ACSS2: variants seen among roughly 807,000 people sequenced by gnomAD.
ACSS2 encodes the protein acyl-CoA synthetase short chain family member 2, also known as acetyl-coenzyme A synthetase, cytoplasmic.
Under a neutral mutation model 90.6 loss-of-function variants are expected in ACSS2, and 58 were observed. The observed-to-expected ratio is 0.64, with a 90% CI of 0.52 to 0.80. ACSS2 has a LOEUF of 0.80. Ranked by LOEUF, ACSS2 falls within the 30% of genes least tolerant of loss-of-function variation. ACSS2 has a pLI of 0.00. For synonymous variants in ACSS2, 300 were observed against 330.9 expected (o/e 0.91, Z 1.01); for missense variants, 759 against 912.0 (o/e 0.83, Z 2.16).
At chr20:34,896,681 C>T (rs950704008) in intron 2 of ACSS2, among the ~76,000 whole-genome samples, 1 of 152,106 alleles carries the variant, frequency 6.6e-6, no homozygotes, top group African/African-American at 2.4e-5. Flanking sequence ...ACTCATAATC[C>T]AGTGAGGGAA....
At chr20:34,878,397 C>A (rs1219143725) in intron 1 of ACSS2, among the ~76,000 whole-genome samples, 1 of 152,160 alleles carries the variant, frequency 6.6e-6, no homozygotes, top group African/African-American at 2.4e-5. Flanking sequence ...GTCTGAGATT[C>A]CTTTTCTTCC....
At chr20:34,884,295 A>T (rs982324998) in intron 2 of ACSS2, among the ~76,000 whole-genome samples, 19 of 152,176 alleles carry the variant, frequency 1.2e-4, no homozygotes, top group Non-Finnish European at 2.9e-5. Context: ...AGCAGCTTGG[A>T]TGCTTCATGG....
At chr20:34,915,034 T>C (rs1173461077) in intron 7 of ACSS2, among the ~76,000 whole-genome samples, 1 of 152,026 alleles carries the variant, frequency 6.6e-6, no homozygotes, top group Non-Finnish European at 1.5e-5. Flanking sequence ...TTTAGGGAAG[T>C]TGGAAAGCCC....
chr20:34,889,357 C>T (rs183563327), intron 2 of ACSS2, among the ~76,000 whole-genome samples: 29 of 151,930 alleles, frequency 1.9e-4, no homozygotes, highest in Admixed American at 7.2e-4. Flanking sequence ...CTCTTGACCT[C>T]GTGATCCACT....
At chr20:34,876,526 C>T (rs1333691281), upstream of ACSS2, 1 of 1,196,390 alleles carries the variant, frequency 8.4e-7, no homozygotes, top group Non-Finnish European at 1.1e-6. Flanking sequence ...GACTAAGCCA[C>T]TCCCCCACTC....
chr20:34,899,430 CCT>C (rs1491090655), intron 2 of ACSS2, among the ~76,000 whole-genome samples: 3 of 88,770 alleles, frequency 3.4e-5, no homozygotes, highest in African/African-American at 9.8e-5. Flanking sequence ...TTCTTTCCTT[CCT>C]TCCTTCCTTC....
At chr20:34,905,845 G>T (rs1037751102) in intron 2 of ACSS2, among the ~76,000 whole-genome samples, 1 of 152,170 alleles carries the variant, frequency 6.6e-6, no homozygotes, top group African/African-American at 2.4e-5. Flanking sequence ...TTTCTTTCAT[G>T]TGGTCCACTT....
At chr20:34,888,195 A>G (rs561027963) in intron 2 of ACSS2, among the ~76,000 whole-genome samples, 4 of 152,210 alleles carry the variant, frequency 2.6e-5, no homozygotes, top group South Asian at 4.1e-4. Flanking sequence ...GATTAGGAGA[A>G]TGGGTGTTTT....
chr20:34,885,628 A>C (rs1323718786), intron 2 of ACSS2, among the ~76,000 whole-genome samples: 1 of 152,216 alleles, frequency 6.6e-6, no homozygotes, highest in African/African-American at 2.4e-5. Context: ...AGCATAGTAA[A>C]ATCTCCAAGA....
At chr20:34,896,859 C>A (rs1273714446) in intron 2 of ACSS2, among the ~76,000 whole-genome samples, 4 of 152,106 alleles carry the variant, frequency 2.6e-5, no homozygotes, top group African/African-American at 7.3e-5. Context: ...ATGGTGAAAC[C>A]CTGTCTCTAC....
At chr20:34,896,043 T>C (rs2080451826) in intron 2 of ACSS2, among the ~76,000 whole-genome samples, 1 of 152,238 alleles carries the variant, frequency 6.6e-6, no homozygotes, top group South Asian at 2.1e-4. Flanking sequence ...TTCCAAATGC[T>C]CTGCCCTCAT....
chr20:34,899,418 CTTT>C (rs1568977122), intron 2 of ACSS2, among the ~76,000 whole-genome samples: 40 of 95,574 alleles, frequency 4.2e-4, no homozygotes, highest in Non-Finnish European at 6.8e-4. Context: ...TTCTTTCTTT[CTTT>C]CTTTCCTTCC....
chr20:34,896,028 C>T (rs186733623), intron 2 of ACSS2, among the ~76,000 whole-genome samples: 26 of 152,294 alleles, frequency 1.7e-4, no homozygotes, highest in Admixed American at 2.6e-4. Context: ...CTCTTTTGGG[C>T]TGCATTCCAA....
At chr20:34,915,249 A>T (rs1215482632) in intron 7 of ACSS2, 1 of 1,613,934 alleles carries the variant, frequency 6.2e-7, no homozygotes, top group Admixed American at 1.7e-5. Context: ...AAGCGTGTTC[A>T]GCCCCAGGTA....
chr20:34,890,337 G>A (rs2080304223), intron 2 of ACSS2, among the ~76,000 whole-genome samples: 1 of 152,142 alleles, frequency 6.6e-6, no homozygotes, highest in Admixed American at 6.6e-5. Context: ...TCTTCCCCCT[G>A]GTGTGGCAGA....
At chr20:34,909,791 G>A (rs577947924) in intron 2 of ACSS2, among the ~76,000 whole-genome samples, 95 of 150,368 alleles carry the variant, frequency 6.3e-4, no homozygotes, top group African/African-American at 2.1e-3. Flanking sequence ...ATCGCCGCTC[G>A]CTGTAGCCTT....
At chr20:34,914,569 C>T in intron 7 of ACSS2, 132 bp downstream of exon 7, 2 of 779,170 alleles carry the variant, frequency 2.6e-6, no homozygotes, top group Non-Finnish European at 2.0e-6. Flanking sequence ...AGGAATGCCT[C>T]CTCTAGCAGG....
chr20:34,883,616 G>A (rs1446712763), intron 2 of ACSS2, among the ~76,000 whole-genome samples: 2 of 152,156 alleles, frequency 1.3e-5, no homozygotes, highest in African/African-American at 4.8e-5. Context: ...CTCTCAACAG[G>A]TTTGTAAAAT....
chr20:34,920,975 A>T (rs765000785), intron 9 of ACSS2, 31 bp from the exon 10 acceptor site: 3 of 1,613,600 alleles, frequency 1.9e-6, no homozygotes, highest in Non-Finnish European at 2.5e-6. Flanking sequence ...CTATTAGGAA[A>T]GACTGGGAAT....
Sources: gnomAD v4.1 joint callset for allele counts (sites outside exome capture counted in the v4.1 genomes callset) on GRCh38, gnomAD v4.1.1 for gene constraint, MANE v1.5 for transcripts, NCBI Gene and HGNC (gene_info 2026-07-23, HGNC 2026-07-21) for gene names.